Variants in TGFA observed in about 807,000 individuals in gnomAD.
The protein encoded by TGFA is protransforming growth factor alpha.
Under a neutral mutation model 21.7 loss-of-function variants are expected in TGFA, and 12 were observed. The ratio of observed to expected loss-of-function variants is 0.55; its 90% CI spans 0.35 to 0.90. The LOEUF (loss-of-function observed/expected upper bound fraction) is 0.90, where lower values mean the gene tolerates loss of function less well. Among genes scored for constraint, TGFA ranks in the 40% least tolerant of loss-of-function variants. The pLI is 0.01. For synonymous variants in TGFA, 79 were observed against 88.1 expected (o/e 0.90, Z 0.58); for missense variants, 178 against 210.8 (o/e 0.84, Z 0.96).
chr2:70,453,308 G>A lies in TGFA; in HGVS notation c.385C>T (p.His129Tyr), dbSNP rs1553489984. 6.2e-7 allele frequency: 1 copy of A among 1,613,608 alleles called. No individual in the cohort carries two copies. Among genetic ancestry groups the A allele is most frequent in the East Asian group, 2.2e-5 (1 of 44,866 alleles). The change falls in exon 5 of 6, where the codon CAC (histidine) becomes TAC (tyrosine). Residue 129 changes from histidine to tyrosine, a missense_variant. Coordinates refer to ENST00000295400, the MANE Select transcript of TGFA (RefSeq NM_003236.4). ...ATGAGGGCCCGGCACCACTCACAGT[G>A]TTTTCGGACCTGGCAGCAGCTGCAA... ...VLIHCCQVRK[H>Y]CEWCRALICR...
chr2:70,494,620 C>T (rs544280270), intron 2 of TGFA, among the ~76,000 whole-genome samples: 1 of 152,184 alleles, frequency 6.6e-6, no homozygotes, highest in East Asian at 1.9e-4. Context: ...ATTTATATAC[C>T]CAATAAGTCT....
At chr2:70,480,125 T>C (rs1387173603) in intron 2 of TGFA, among the ~76,000 whole-genome samples, 1 of 152,200 alleles carries the variant, frequency 6.6e-6, no homozygotes, top group Non-Finnish European at 1.5e-5. Context: ...AAGAAATCTA[T>C]TTGGTAGAAG....
At chr2:70,552,614 G>C (rs1279078039) in intron 1 of TGFA, among the ~76,000 whole-genome samples, 11 of 152,282 alleles carry the variant, frequency 7.2e-5, no homozygotes, top group East Asian at 1.9e-4. Flanking sequence ...CTCCCCTTCT[G>C]CTGCGGTTTT....
chr2:70,502,731 C>G (rs1553499376), intron 2 of TGFA, among the ~76,000 whole-genome samples: 1 of 152,204 alleles, frequency 6.6e-6, no homozygotes, highest in East Asian at 1.9e-4. Context: ...TCAATTGGCT[C>G]AGGCCATCTT....
intron 2 of TGFA, among the ~76,000 whole-genome samples, chr2:70,483,370 T>C (rs782551995): frequency 5.9e-5 from 9 of 152,204 alleles, no homozygotes; most frequent in Non-Finnish European, 1.2e-4. Context: ...CTCTGAGCAA[T>C]TTTTACATTT....
intron 1 of TGFA, among the ~76,000 whole-genome samples, chr2:70,521,068 T>C (rs1172493892): frequency 6.6e-6 from 1 of 151,896 alleles, no homozygotes; most frequent in Non-Finnish European, 1.5e-5. Context: ...ATCAAAATAG[T>C]TGTTAGACTG....
intron 5 of TGFA, 34 bp downstream of exon 5, chr2:70,453,184 A>G: frequency 6.9e-6 from 11 of 1,588,702 alleles, no homozygotes; most frequent in Non-Finnish European, 9.5e-6. Context: ...TTCTCCACCC[A>G]ATAGTGTCTC....
In TGFA at chr2:70,541,349, T is replaced by C. The variant is rs543545911; in HGVS notation, c.40+12379A>G. On this transcript the variant is annotated intron_variant, in intron 1 of 5. Transcript: ENST00000295400. ...CCATATACTGTAAGCGAAAAGCAGA[T>C]TTTAAAACAGAATCTAGCAATGTTG... Among the ~76,000 whole-genome samples, 7 of 152,326 alleles carry C rather than the reference T, an allele frequency of 4.6e-5. No homozygotes were observed. The South Asian group carries it at 1.5e-3, about 32-fold the overall frequency.
intron 2 of TGFA, among the ~76,000 whole-genome samples, chr2:70,488,085 A>C (rs1000940469): frequency 6.6e-6 from 1 of 152,158 alleles, no homozygotes; most frequent in East Asian, 1.9e-4. Flanking sequence ...ATGATTATTA[A>C]CATTTGTATT....
chr2:70,460,494 TCA>T (rs1670375701), intron 3 of TGFA, among the ~76,000 whole-genome samples: 1 of 152,054 alleles, frequency 6.6e-6, no homozygotes, highest in African/African-American at 2.4e-5. Flanking sequence ...TGCAAATGAA[TCA>T]CACTTGATCC....
chr2:70,511,576 T>C (rs1672100840), intron 2 of TGFA, among the ~76,000 whole-genome samples: 1 of 152,218 alleles, frequency 6.6e-6, no homozygotes, highest in African/African-American at 2.4e-5. Flanking sequence ...CTTCCATATC[T>C]GAGGATCTAA....
chr2:70,448,197 T>C lies in TGFA; in HGVS notation c.*2662A>G, dbSNP rs1432033134. ...TCTTCCAGATCAGGGTTGGCTGCTG[T>C]CTATCTTTCCATGTAGAAGAAAACA... On this transcript the variant is annotated 3_prime_UTR_variant, in exon 6 of 6. Coordinates refer to ENST00000295400, the MANE Select transcript of TGFA (RefSeq NM_003236.4). 3 of 152,166 alleles carry C rather than the reference T, an allele frequency of 2.0e-5. No homozygotes were observed. Among genetic ancestry groups the C allele is most frequent in the African/African-American group, 7.2e-5 (3 of 41,418 alleles). 9.4% of individuals were successfully genotyped at this position (152,166 alleles called of 1,614,324 possible).
intron 1 of TGFA, among the ~76,000 whole-genome samples, chr2:70,549,333 A>C (rs1673414512): frequency 6.6e-6 from 1 of 152,218 alleles, no homozygotes; most frequent in South Asian, 2.1e-4. Flanking sequence ...TTTAGGTAAC[A>C]TGCAATTGGT....
intron 1 of TGFA, among the ~76,000 whole-genome samples, chr2:70,536,018 A>G (rs370281116): frequency 3.7e-4 from 56 of 152,352 alleles, no homozygotes; most frequent in African/African-American, 1.3e-3. Context: ...GTTAAAATTG[A>G]GCAGAGTTCT....
At chr2:70,471,193 C>T (rs1197818467) in intron 2 of TGFA, among the ~76,000 whole-genome samples, 1 of 151,894 alleles carries the variant, frequency 6.6e-6, no homozygotes, top group African/African-American at 2.4e-5. Flanking sequence ...CTGTCCTGCC[C>T]CCACCACCCA....
At position 70,466,930 on chromosome 2, in the gene TGFA, G is replaced by A. The variant is rs114773750; in HGVS notation, c.95-1194C>T. 4.5e-3 allele frequency among the ~76,000 whole-genome samples: 690 copies of A among 152,272 alleles called. 10 individuals are homozygous for A. The highest frequency in any genetic ancestry group is 0.016 in the African/African-American group (679 of 41,556). Reference sequence around the variant, plus strand: ...CATTATCCTCAGCAAACTAACGCAGGAAGAGAAAAACCAAACACTGCATGT... The same window carrying A: ...CATTATCCTCAGCAAACTAACGCAGAAAGAGAAAAACCAAACACTGCATGT... On this transcript the variant is annotated intron_variant, in intron 2 of 5. Transcript: ENST00000295400.
chr2:70,521,056 C>T (rs1324110769), intron 1 of TGFA, among the ~76,000 whole-genome samples: 1 of 151,998 alleles, frequency 6.6e-6, no homozygotes, highest in African/African-American at 2.4e-5. Flanking sequence ...TCTCCCTGTG[C>T]TATCAAAATA....
chr2:70,455,007 G>T (rs546571096), intron 4 of TGFA, among the ~76,000 whole-genome samples: 1 of 152,316 alleles, frequency 6.6e-6, no homozygotes, highest in Admixed American at 6.5e-5. Flanking sequence ...AAGCAAGGCT[G>T]GCAGCCCACT....
intron 1 of TGFA, among the ~76,000 whole-genome samples, chr2:70,533,512 T>A (rs1672879047): frequency 6.6e-6 from 1 of 152,206 alleles, no homozygotes; most frequent in South Asian, 2.1e-4. Context: ...GCAGAATTTT[T>A]AAAAGAAGCT....
Sources: allele counts gnomAD v4.1 joint callset (sites outside exome capture counted in the v4.1 genomes callset), GRCh38; gene constraint gnomAD v4.1.1; transcripts MANE v1.5; gene names NCBI Gene and HGNC (gene_info 2026-07-23, HGNC 2026-07-21).